The following MNAT1 variants were observed in gnomAD, a reference collection of about 807,000 sequenced individuals.
MNAT1 encodes MNAT1 component of CDK activating kinase.
In MNAT1, 43 loss-of-function variants were observed where a neutral mutation model predicts 42.0. The ratio of observed to expected loss-of-function variants is 1.02; its 90% confidence interval spans 0.80 to 1.32. The LOEUF is 1.32. MNAT1 is among the 40% of genes most tolerant of loss of function. The probability of loss-of-function intolerance (pLI) is 0.00; values close to 1 mark genes in which losing one functional copy is unlikely to be tolerated. For synonymous variants in MNAT1, 118 were observed against 120.0 expected (o/e 0.98, Z 0.11); for missense variants, 306 against 350.4 (o/e 0.87, Z 1.01).
intron 1 of MNAT1, among the ~76,000 whole-genome samples, chr14:60,790,097 G>A (rs2031770839): frequency 6.6e-6 from 1 of 152,112 alleles, no homozygotes; most frequent in Admixed American, 6.6e-5. Context: ...TGGGCAGTGT[G>A]TAATAGGAAT....
At chr14:60,967,540 T>C (rs577917931) in intron 7 of MNAT1, among the ~76,000 whole-genome samples, 1 of 152,322 alleles carries the variant, frequency 6.6e-6, no homozygotes, top group Admixed American at 6.5e-5. Flanking sequence ...TGTCAAGATA[T>C]AAATGTTTAA....
Position 60,968,648 on chromosome 14 carries a change from C to A in MNAT1, c.*299C>A. The stretch of plus-strand genomic sequence containing the variant: ...TGAGGTTGTGACAGACTTATAAAAT[C>A]TTTTTAAAAAATAAAGCTATAATTT... On this transcript the variant is annotated 3_prime_UTR_variant, in exon 8 of 8. Coordinates refer to ENST00000261245, the MANE Select transcript of MNAT1 (RefSeq NM_002431.4). The A allele has an allele frequency of 1.5e-5, 10 of 645,388 alleles. No individual in the cohort carries two copies. The highest frequency in any genetic ancestry group is 2.3e-5 in the Non-Finnish European group (10 of 438,268). The allele number at this position is 645,388 out of a possible 1,614,324, so 40.0% of individuals were successfully genotyped here.
chr14:60,869,040 A>ATATATATATATATATATATATATATATAT (rs1465360826), intron 6 of MNAT1, among the ~76,000 whole-genome samples: 4 of 113,054 alleles, frequency 3.5e-5, no homozygotes, highest in Admixed American at 9.1e-5. Context: ...ATATATATAT[A>ATATATATATATATATATATATATATATAT]TTTTTTTTTT....
chr14:60,823,330 A>AGG (rs939824421), intron 6 of MNAT1, among the ~76,000 whole-genome samples: 1 of 151,978 alleles, frequency 6.6e-6, no homozygotes, highest in African/African-American at 2.4e-5. Context: ...GGGATTGGGG[A>AGG]GGGGGAATGT....
rs117936163 is a variant in MNAT1, at chr14:60,770,985, G to A, written c.90-25232G>A. Among the ~76,000 whole-genome samples, 47 of 152,138 alleles carry A rather than the reference G, an allele frequency of 3.1e-4. No individual in the cohort carries two copies. The East Asian group carries it at 7.9e-3, about 26-fold the overall frequency. ...TTTCCAAATTTCTTTTTTGCTATAG[G>A]AAATTATACTGCTGTAACATTCTTG... On this transcript the variant is annotated intron_variant, in intron 1 of 7. Coordinates refer to ENST00000261245, the MANE Select transcript of MNAT1 (RefSeq NM_002431.4).
At chr14:60,897,262 A>T (rs1373568970) in intron 7 of MNAT1, among the ~76,000 whole-genome samples, 1 of 152,136 alleles carries the variant, frequency 6.6e-6, no homozygotes, top group Non-Finnish European at 1.5e-5. Context: ...TACATGATGA[A>T]ATATTTAAGT....
chr14:60,806,428 T>TA (rs2032371313), intron 3 of MNAT1, among the ~76,000 whole-genome samples: 1 of 152,094 alleles, frequency 6.6e-6, no homozygotes. Context: ...TGTAGGGGCA[T>TA]ACAAATGCAG....
chr14:60,962,273 T>G (rs986109659), intron 7 of MNAT1, among the ~76,000 whole-genome samples: 3 of 152,182 alleles, frequency 2.0e-5, no homozygotes, highest in African/African-American at 7.2e-5. Flanking sequence ...AACATCTGAC[T>G]TGGAAGAATA....
At chr14:60,954,945 G>T (rs375149325) in intron 7 of MNAT1, among the ~76,000 whole-genome samples, 1 of 151,894 alleles carries the variant, frequency 6.6e-6, no homozygotes, top group African/African-American at 2.4e-5. Flanking sequence ...GTTGAATTTT[G>T]TTAAATGCTT....
chr14:60,890,511 C>T (rs1443080646), intron 7 of MNAT1, among the ~76,000 whole-genome samples: 1 of 152,096 alleles, frequency 6.6e-6, no homozygotes, highest in African/African-American at 2.4e-5. Flanking sequence ...GGTGAAGCCC[C>T]ACTATACACC....
Position 60,740,173 on chromosome 14 carries a change from A to T in MNAT1, c.89+5222A>T, listed in dbSNP as rs1374681827. 6.6e-6 allele frequency among the ~76,000 whole-genome samples: 1 copy of T among 152,192 alleles called. No homozygotes were observed. Among genetic ancestry groups the T allele is most frequent in the Admixed American group, 6.5e-5 (1 of 15,272 alleles). Reference sequence around the variant, plus strand: ...CCATCTTAAAAAAAAATTAATTTCTATCCCAACCATTCTTGGCAAAACCTG... The same window carrying T: ...CCATCTTAAAAAAAAATTAATTTCTTTCCCAACCATTCTTGGCAAAACCTG... On this transcript the variant is annotated intron_variant, in intron 1 of 7. Coordinates refer to ENST00000261245, the MANE Select transcript of MNAT1 (RefSeq NM_002431.4). The surrounding 1 kb of genome is among the most constrained non-coding windows in gnomAD (Gnocchi z 4.1).
Position 60,818,768 on chromosome 14 carries a change from A to T in MNAT1, c.608A>T (p.Asp203Val), listed in dbSNP as rs564823396. 4.3e-6 allele frequency: 7 copies of T among 1,612,676 alleles called. No individual in the cohort carries two copies. The highest frequency in any genetic ancestry group is 5.9e-6 in the Non-Finnish European group (7 of 1,179,034). Residue 203 changes from aspartate to valine, a missense_variant, in exon 6 of 8, where the codon GAT (aspartate) becomes GTT (valine). This residue lies in a region of MNAT1 where 116 missense variants were observed against 139.6 expected (regional missense o/e 0.83). Coordinates refer to ENST00000261245, the MANE Select transcript of MNAT1 (RefSeq NM_002431.4). ...PVALLLAQHK[D>V]RSTQLEMQLE... The stretch of plus-strand genomic sequence containing the variant: ...GCTCTGCTTTTGGCTCAGCATAAAG[A>T]TAGATCTACCCAATTAGAAATGCAA...
intron 2 of MNAT1, among the ~76,000 whole-genome samples, chr14:60,797,148 A>C (rs1050698924): frequency 6.6e-6 from 1 of 152,122 alleles, no homozygotes; most frequent in East Asian, 1.9e-4. Context: ...GGTGGTATAC[A>C]TTTCAACCCA....
At position 60,879,976 on chromosome 14, in the gene MNAT1, A is replaced by G. The variant is rs2034516867; in HGVS notation, c.809+141A>G. The G allele has an allele frequency of 1.6e-5, 13 of 837,944 alleles. No individual in the cohort carries two copies. In the South Asian group the frequency reaches 3.4e-4, roughly 22 times the overall value. 51.9% of individuals were successfully genotyped at this position (837,944 alleles called of 1,614,324 possible). The stretch of plus-strand genomic sequence containing the variant: ...AAAAATGAACAGTACTCAATACCAA[A>G]TTGTTTTATTTAGTACATTAATTTT... On this transcript the variant is annotated intron_variant, in intron 7 of 7. Coordinates refer to ENST00000261245, the MANE Select transcript of MNAT1 (RefSeq NM_002431.4).
chr14:60,796,133 C>T, intron 1 of MNAT1, 84 bp from the exon 2 acceptor site: 6 of 1,264,744 alleles, frequency 4.7e-6, no homozygotes, highest in Non-Finnish European at 6.4e-6. Context: ...TCTCACTCTC[C>T]TTATCCCATA....
chr14:60,845,773 T>C (rs2139408587), intron 6 of MNAT1, among the ~76,000 whole-genome samples: 1 of 152,134 alleles, frequency 6.6e-6, no homozygotes, highest in East Asian at 1.9e-4. Context: ...AATAGAATAA[T>C]ACAAAATGTA....
At chr14:60,812,187 T>C in intron 5 of MNAT1, 60 bp downstream of exon 5, 2 of 1,435,254 alleles carry the variant, frequency 1.4e-6, no homozygotes, top group Non-Finnish European at 1.8e-6. Context: ...CCTTTCCTAG[T>C]AGGCTGGATG....
chr14:60,802,459 A>G (rs1200132657), intron 3 of MNAT1, among the ~76,000 whole-genome samples: 1 of 152,088 alleles, frequency 6.6e-6, no homozygotes, highest in Non-Finnish European at 1.5e-5. Context: ...TACAATTATT[A>G]TTTGTCAACT....
chr14:60,903,512 T>C (rs1317586548), intron 7 of MNAT1, among the ~76,000 whole-genome samples: 1 of 152,200 alleles, frequency 6.6e-6, no homozygotes, highest in Non-Finnish European at 1.5e-5. Flanking sequence ...TATGAAAGCA[T>C]AATTCACATA....
Sources: gnomAD v4.1 joint callset for allele counts (sites outside exome capture counted in the v4.1 genomes callset) on GRCh38, gnomAD v4.1.1 for gene constraint, gnomAD v4.1.1 regional missense constraint, Gnocchi (gnomAD v3.1) non-coding constraint, MANE v1.5 for transcripts, NCBI Gene and HGNC (gene_info 2026-07-23, HGNC 2026-07-21) for gene names.